Variants in DDOST observed in about 807,000 individuals in gnomAD.
DDOST encodes dolichyl-diphosphooligosaccharide--protein glycosyltransferase non-catalytic subunit, also known as dolichyl-diphosphooligosaccharide--protein glycosyltransferase 48 kDa subunit.
In DDOST, 25 loss-of-function variants were observed where a neutral mutation model predicts 47.6. The ratio of observed to expected loss-of-function variants is 0.53; its 90% CI spans 0.38 to 0.73. The LOEUF (loss-of-function observed/expected upper bound fraction) is 0.73, where lower values mean the gene tolerates loss of function less well. Among genes scored for constraint, DDOST ranks in the 30% least tolerant of loss-of-function variants. The pLI, the probability that DDOST is intolerant of heterozygous loss-of-function variation, is 0.00. For synonymous variants in DDOST, 275 were observed against 236.0 expected, an observed-to-expected ratio of 1.17 and a Z score of -1.51; for missense variants, 526 against 573.9, an observed-to-expected ratio of 0.92 and a Z score of 0.85.
In DDOST at chr1:20,661,155, C is replaced by T. The variant is rs750665522; in HGVS notation, c.154+42G>A. 4 of 1,597,162 alleles carry T rather than the reference C, an allele frequency of 2.5e-6. No homozygotes were observed. In the South Asian group the frequency reaches 4.4e-5, roughly 18 times the overall value. On this transcript the variant is annotated intron_variant, in intron 1 of 10. Coordinates refer to ENST00000602624, the MANE Select transcript of DDOST (RefSeq NM_005216.5). ...GTCAATGCCCTCGATGCTGTACCAACCCCAGGCCCCCACACGCTACCCCCT... is the reference window on the plus strand; with the variant it reads ...GTCAATGCCCTCGATGCTGTACCAATCCCAGGCCCCCACACGCTACCCCCT...
In DDOST at chr1:20,654,858, CTTGTTT is replaced by C. The variant is rs111968990; in HGVS notation, c.552-157_552-152del. On this transcript the variant is annotated intron_variant, in intron 5 of 10. Coordinates refer to ENST00000602624, the MANE Select transcript of DDOST (RefSeq NM_005216.5). ...GTCTTGATATAACAATGGAGTCTGA[CTTGTTT>C]TTGTTTTTGTTTTTCAGACAGACCT... 0.18 allele frequency: 107,339 copies of C among 609,420 alleles called. 10,854 individuals carry two copies. Among genetic ancestry groups the C allele is most frequent in the African/African-American group, 0.23 (12,295 of 53,842 alleles). The allele number at this position is 609,420 out of a possible 1,614,324, so 37.8% of individuals were successfully genotyped here.
At chr1:20,655,032 G>C (rs2053352935) in intron 5 of DDOST, among the ~76,000 whole-genome samples, 1 of 152,020 alleles carries the variant, frequency 6.6e-6, no homozygotes, top group African/African-American at 2.4e-5. Context: ...TCTAATTTTT[G>C]TATTTTTAGC....
Position 20,652,264 on chromosome 1 carries a change from G to T in DDOST, c.*115C>A. On this transcript the variant is annotated 3_prime_UTR_variant, in exon 11 of 11. Coordinates refer to ENST00000602624, the MANE Select transcript of DDOST (RefSeq NM_005216.5). The stretch of plus-strand genomic sequence containing the variant: ...GGCTCTCAGTGTTGCATCTCCCACA[G>T]AGGTAAAGTTGTGCCATTTTCCCAC... The T allele has an allele frequency of 9.3e-7, 1 of 1,078,492 alleles. No individual in the cohort carries two copies. The highest frequency in any genetic ancestry group is 1.3e-6 in the Non-Finnish European group (1 of 781,242). The allele number at this position is 1,078,492 out of a possible 1,614,324, so 66.8% of individuals were successfully genotyped here.
chr1:20,660,964 G>A lies in DDOST; in HGVS notation c.182C>T (p.Thr61Ile), dbSNP rs750435886. 3.7e-6 allele frequency: 6 copies of A among 1,613,780 alleles called. No individual in the cohort carries two copies. Among genetic ancestry groups the A allele is most frequent in the Admixed American group, 1.7e-5 (1 of 60,018 alleles). Residue 61 changes from threonine (T) to isoleucine (I), a missense_variant, in exon 2 of 11, where the codon ACC (threonine) becomes ATC (isoleucine). Physicochemically the swap from Thr to Ile is moderately conservative, Grantham distance 89 (BLOSUM62 -1). Coordinates refer to ENST00000602624, the MANE Select transcript of DDOST (RefSeq NM_005216.5). Reference protein sequence around the residue: ...KDRGFELTFKTADDPSLSLIK... With the variant: ...KDRGFELTFKIADDPSLSLIK... ...GAGAGACAGGCTGGGGTCATCAGCG[G>A]TCTTGAATGTGAGCTCAAAGCCCCG...
intron 2 of DDOST, among the ~76,000 whole-genome samples, chr1:20,659,159 T>C (rs934080647): frequency 3.1e-5 from 3 of 96,110 alleles, no homozygotes; most frequent in African/African-American, 1.5e-4. Context: ...TACCTAGCCT[T>C]TTCTTTTTTT....
chr1:20,655,768 G>A lies in DDOST; in HGVS notation c.364C>T (p.Arg122Ter), dbSNP rs1019417198. 6 of 1,613,820 alleles carry A rather than the reference G, an allele frequency of 3.7e-6. No homozygotes were observed. Among genetic ancestry groups the A allele is most frequent in the Non-Finnish European group, 4.2e-6 (5 of 1,179,912 alleles). Residue 122 changes from arginine (R) to a stop codon, truncating the protein, a stop_gained, in exon 4 of 11, where the codon CGA becomes TGA. Transcript: ENST00000602624. LOFTEE classifies it high-confidence loss of function. ...ATCCCGCACTCACTGCCCAGCTCTC[G>A]AAGAGGGTCACCTGCACAGACCGAA... ...AASSDIGDPL[R>*]ELGSECGIEF...
rs374032054 is a variant in DDOST, at chr1:20,652,425, A to T, written c.1274T>A (p.Phe425Tyr). Residue 425 changes from phenylalanine (F) to tyrosine (Y), a missense_variant, in exon 11 of 11, where the codon TTC becomes TAC. Transcript: ENST00000602624. ...CTTCATGTGCAAGAAGACGATGCTG[A>T]AGATGAAGAGCCCCAGCATCATGGA... ...AFSMMLGLFIFSIVFLHMKEK... is the reference protein window; with the variant it reads ...AFSMMLGLFIYSIVFLHMKEK... The T allele has an allele frequency of 5.0e-6, 8 of 1,613,828 alleles. No homozygotes were observed. Among genetic ancestry groups the T allele is most frequent in the Non-Finnish European group, 6.8e-6 (8 of 1,179,984 alleles).
chr1:20,653,831 T>C (rs998173420), intron 7 of DDOST, 57 bp from the exon 8 acceptor site: 8 of 1,576,184 alleles, frequency 5.1e-6, no homozygotes, highest in Non-Finnish European at 6.9e-6. Flanking sequence ...CAGTGGTGCC[T>C]GATGGGCAGG....
chr1:20,658,702 C>T (rs2053402729), intron 2 of DDOST, among the ~76,000 whole-genome samples: 1 of 152,230 alleles, frequency 6.6e-6, no homozygotes, highest in Non-Finnish European at 1.5e-5. Flanking sequence ...CAGGCAGCAG[C>T]ATCTGGCTAG....
intron 5 of DDOST, among the ~76,000 whole-genome samples, chr1:20,655,213 G>A (rs1259289167): frequency 7.2e-6 from 1 of 138,898 alleles, no homozygotes; most frequent in African/African-American, 2.7e-5. Flanking sequence ...GGAGTTCTGT[G>A]TTGCCCAGGC....
At chr1:20,655,338 G>T in intron 5 of DDOST, 102 bp downstream of exon 5, 2 of 822,606 alleles carry the variant, frequency 2.4e-6, no homozygotes, top group Non-Finnish European at 4.1e-6. Context: ...TCCCATCTAC[G>T]TACCCTTAAA....
At chr1:20,653,838 C>T in intron 7 of DDOST, 64 bp from the exon 8 acceptor site, 4 of 1,555,440 alleles carry the variant, frequency 2.6e-6, no homozygotes, top group South Asian at 1.2e-5. Flanking sequence ...GCCTGATGGG[C>T]AGGACCACTC....
In DDOST at chr1:20,654,312, A is replaced by T. The variant is rs1374607579; in HGVS notation, c.705T>A (p.Asn235Lys). 10 of 1,555,318 alleles carry T rather than the reference A, an allele frequency of 6.4e-6. No homozygotes were observed. Among genetic ancestry groups the T allele is most frequent in the Non-Finnish European group, 8.7e-6 (10 of 1,148,786 alleles). Residue 235 changes from asparagine to lysine, a missense_variant, in exon 7 of 11, where the codon AAT (asparagine) becomes AAA (lysine). Coordinates refer to ENST00000602624, the MANE Select transcript of DDOST (RefSeq NM_005216.5). ...GGGAGCCGCTGAAGATGACGCGGGC[A>T]TTGTTCCTGGCCTGGAGCCCAGCAA... is the stretch of plus-strand genomic sequence containing the variant. ...LLIAGLQARNNARVIFSGSLD... is the reference protein window; with the variant it reads ...LLIAGLQARNKARVIFSGSLD...
At chr1:20,660,407 A>G (rs980466852) in intron 2 of DDOST, 8 of 154,894 alleles carry the variant, frequency 5.2e-5, no homozygotes, top group African/African-American at 1.4e-4. Context: ...TCCAGCCTCA[A>G]ATGGGAGGAG....
chr1:20,657,327 G>C (rs1425837745), intron 2 of DDOST, among the ~76,000 whole-genome samples: 1 of 152,210 alleles, frequency 6.6e-6, no homozygotes, highest in East Asian at 1.9e-4. Context: ...TCTGAGCAGG[G>C]GCCTGGCAGG....
Position 20,655,694 on chromosome 1 carries a change from G to A in DDOST, c.438C>T (p.Asp146=). 2 of 1,613,982 alleles carry A rather than the reference G, an allele frequency of 1.2e-6. No homozygotes were observed. The highest frequency in any genetic ancestry group is 1.7e-6 in the Non-Finnish European group (2 of 1,179,842). Residue 146 remains aspartate (D), a synonymous_variant, in exon 4 of 11, where the codon GAC becomes GAT. Coordinates refer to ENST00000602624, the MANE Select transcript of DDOST (RefSeq NM_005216.5). ...KTAVIDHHNY[D]ISDLGQHTLI... ...TGATTACCTGGCCAAGGTCTGAGAT[G>A]TCATAGTTGTGATGGTCAATGACAG... is the stretch of plus-strand genomic sequence containing the variant.
chr1:20,654,643 A>T lies in DDOST; in HGVS notation c.616T>A (p.Ser206Thr). ...DILTGSSTSYSFFPDKPITQY... is the reference protein window; with the variant it reads ...DILTGSSTSYTFFPDKPITQY... The stretch of plus-strand genomic sequence containing the variant: ...GTGATAGGCTTGTCCGGGAAGAAGG[A>T]GTAAGAGGTGGAAGAGCCCGTCAGG... The change falls in exon 6 of 11, where the codon TCC (serine) becomes ACC (threonine). Residue 206 changes from serine (S) to threonine (T), a missense_variant. Ser to Thr is a moderately conservative substitution (Grantham distance 58, BLOSUM62 1). Coordinates refer to ENST00000602624, the MANE Select transcript of DDOST (RefSeq NM_005216.5). The T allele has an allele frequency of 6.4e-7, 1 of 1,565,122 alleles. No individual in the cohort carries two copies. The highest frequency in any genetic ancestry group is 8.7e-7 in the Non-Finnish European group (1 of 1,153,578).
In DDOST at chr1:20,653,792, G is replaced by A; in HGVS notation, c.795-18C>T. 6.2e-7 allele frequency: 1 copy of A among 1,607,154 alleles called. No individual in the cohort carries two copies. The highest frequency in any genetic ancestry group is 8.5e-7 in the Non-Finnish European group (1 of 1,175,350). The stretch of plus-strand genomic sequence containing the variant: ...GGGAATACCTGCAGGAGGGAAACAG[G>A]AGCAGCTTGGGCACCAGAGCCACCT... On this transcript the variant is annotated intron_variant, in intron 7 of 10. Coordinates refer to ENST00000602624, the MANE Select transcript of DDOST (RefSeq NM_005216.5).
intron 1 of DDOST, 52 bp downstream of exon 1, chr1:20,661,145 G>A (rs887468386): frequency 6.3e-6 from 10 of 1,581,336 alleles, no homozygotes; most frequent in African/African-American, 1.3e-5. Flanking sequence ...TGCCCTCGAT[G>A]CTGTACCAAC....
Sources: gnomAD v4.1 joint callset for allele counts (sites outside exome capture counted in the v4.1 genomes callset) on GRCh38, gnomAD v4.1.1 for gene constraint, MANE v1.5 for transcripts, NCBI Gene and HGNC (gene_info 2026-07-23, HGNC 2026-07-21) for gene names.